The following ZNF69 variants were observed in gnomAD, a reference collection of about 807,000 sequenced individuals.
ZNF69 encodes the protein zinc finger protein 69.
ZNF69 carries 47 observed loss-of-function variants against 50.9 expected under a neutral mutation model. The ratio of observed to expected loss-of-function variants is 0.92; its 90% CI spans 0.73 to 1.18. The LOEUF is 1.18. ZNF69 is among the 50% of genes most tolerant of loss of function. The probability of loss-of-function intolerance (pLI) is 0.00; values close to 1 mark genes in which losing one functional copy is unlikely to be tolerated. For synonymous variants in ZNF69, 216 were observed against 223.1 expected (o/e 0.97, Z 0.29); for missense variants, 717 against 675.1 (o/e 1.06, Z -0.69).
chr19:11,913,383 T>A, intron 4 of ZNF69: 1 of 615,784 alleles, frequency 1.6e-6, no homozygotes, highest in East Asian at 3.0e-5. Context: ...TCAACCCTAA[T>A]TTTTCTTATC....
chr19:11,971,239 A>T, the ZNF69 span, among the ~76,000 whole-genome samples: 1 of 152,180 alleles, frequency 6.6e-6, no homozygotes, highest in Non-Finnish European at 1.5e-5. Context: ...TGGTTTGCAG[A>T]TGGTCATCTT....
Position 11,891,817 on chromosome 19 carries a change from A to G in ZNF69, c.63+3831A>G, listed in dbSNP as rs571892795. 1.2e-4 allele frequency among the ~76,000 whole-genome samples: 18 copies of G among 152,194 alleles called. No homozygotes were observed. The East Asian group carries it at 3.5e-3, about 29-fold the overall frequency. ...TTTATGATCATGGGTTGTGACTGGCAAGGAGTGTTTCTTGTTAGTCTCAAG... is the reference window on the plus strand; with the variant it reads ...TTTATGATCATGGGTTGTGACTGGCGAGGAGTGTTTCTTGTTAGTCTCAAG... On this transcript the variant is annotated intron_variant, in intron 1 of 3. Transcript: ENST00000429654.
At chr19:11,937,854 T>A in the ZNF69 span, among the ~76,000 whole-genome samples, 1 of 152,084 alleles carries the variant, frequency 6.6e-6, no homozygotes, top group Non-Finnish European at 1.5e-5. Flanking sequence ...TATAGTTCAT[T>A]GAGTGTTTTT....
chr19:11,894,428 C>T (rs1406057303), intron 1 of ZNF69, among the ~76,000 whole-genome samples: 1 of 152,200 alleles, frequency 6.6e-6, no homozygotes, highest in African/African-American at 2.4e-5. Flanking sequence ...GCATGAGATA[C>T]CCCACCTGGC....
At chr19:11,913,403 T>C in intron 4 of ZNF69, 1 of 605,456 alleles carries the variant, frequency 1.7e-6, no homozygotes, top group Non-Finnish European at 3.0e-6. Flanking sequence ...CTTTTTTTTT[T>C]TCCAGAAAAA....
At chr19:11,914,482 A>G (rs1481877161), downstream of ZNF69, among the ~76,000 whole-genome samples, 1 of 152,202 alleles carries the variant, frequency 6.6e-6, no homozygotes, top group Admixed American at 6.5e-5. Context: ...TTTATGCCTT[A>G]TAAAGCTATA....
At chr19:11,974,147 T>G in the ZNF69 span, among the ~76,000 whole-genome samples, 1 of 122,818 alleles carries the variant, frequency 8.1e-6, no homozygotes, top group East Asian at 2.1e-4. Context: ...TCTTTCTTTC[T>G]TTCTTTCTTT....
chr19:11,900,537 G>C (rs1010921757), intron 1 of ZNF69, among the ~76,000 whole-genome samples: 1 of 151,918 alleles, frequency 6.6e-6, no homozygotes, highest in Non-Finnish European at 1.5e-5. Context: ...ATTTTTACTA[G>C]AGACGGGGTT....
At chr19:11,895,539 G>C (rs1450743472) in intron 1 of ZNF69, among the ~76,000 whole-genome samples, 4 of 152,168 alleles carry the variant, frequency 2.6e-5, no homozygotes, top group Non-Finnish European at 5.9e-5. Context: ...AAGGGTCAGT[G>C]GTACAAGTCA....
chr19:11,977,957 A>G, the ZNF69 span, among the ~76,000 whole-genome samples: 1 of 152,208 alleles, frequency 6.6e-6, no homozygotes, highest in Non-Finnish European at 1.5e-5. Context: ...AGGTATGACT[A>G]TGTCACCTTG....
intron 4 of ZNF69, among the ~76,000 whole-genome samples, chr19:11,911,810 A>T (rs967982108): frequency 2.0e-5 from 3 of 152,188 alleles, no homozygotes; most frequent in South Asian, 2.1e-4. Context: ...CCTAGAACTT[A>T]AAGTATAATA....
At chr19:11,932,723 C>T in the ZNF69 span, among the ~76,000 whole-genome samples, 2 of 145,530 alleles carry the variant, frequency 1.4e-5, no homozygotes, top group South Asian at 2.1e-4. Context: ...CTGCAAGCTC[C>T]GCCTCCCGGG....
chr19:11,930,830 A>G, the ZNF69 span, among the ~76,000 whole-genome samples: 5 of 147,950 alleles, frequency 3.4e-5, no homozygotes, highest in Non-Finnish European at 1.5e-5. Flanking sequence ...GTGAAACTCC[A>G]TCTCTATTAA....
At chr19:11,902,614 T>G (rs549392543) in intron 1 of ZNF69, among the ~76,000 whole-genome samples, 96 of 150,752 alleles carry the variant, frequency 6.4e-4, no homozygotes, top group African/African-American at 1.5e-3. Flanking sequence ...CTACCTAGGT[T>G]ATTCCCCTCC....
At chr19:11,889,383 C>CAT (rs1977026881) in intron 1 of ZNF69, among the ~76,000 whole-genome samples, 1 of 152,222 alleles carries the variant, frequency 6.6e-6, no homozygotes, top group South Asian at 2.1e-4. Flanking sequence ...CCCATCCTGT[C>CAT]ATACAGAGGC....
At chr19:11,913,300 G>A (rs1276954062) in intron 4 of ZNF69, 1 of 527,226 alleles carries the variant, frequency 1.9e-6, no homozygotes, top group Non-Finnish European at 3.4e-6. Flanking sequence ...GTATAACCAT[G>A]TGGATAAAAT....
rs1321648847 is a variant in ZNF69, at chr19:11,904,700, A to G, written c.303A>G (p.Gly101=). The change falls in exon 4 of 4, where the codon GGA becomes GGG. Residue 101 remains glycine, a synonymous_variant. Transcript: ENST00000429654. Reference sequence around the variant, plus strand: ...AAATTAAAGATGACAGTCATTGTGGAGAAACTTTTACCCAGGTTCCAGATG... The same window carrying G: ...AAATTAAAGATGACAGTCATTGTGGGGAAACTTTTACCCAGGTTCCAGATG... ...VNEIKDDSHC[G]ETFTQVPDDR... is the part of the protein sequence containing the mutation. 2 of 1,613,790 alleles carry G rather than the reference A, an allele frequency of 1.2e-6. No homozygotes were observed. Among genetic ancestry groups the G allele is most frequent in the African/African-American group, 2.7e-5 (2 of 74,920 alleles).
downstream of ZNF69, among the ~76,000 whole-genome samples, chr19:11,917,574 T>G (rs1472987129): frequency 6.6e-6 from 1 of 152,110 alleles, no homozygotes; most frequent in African/African-American, 2.4e-5. Context: ...TCCCTTTTGT[T>G]TTTTTACAGA....
At chr19:11,921,599 G>C in the ZNF69 span, among the ~76,000 whole-genome samples, 1 of 151,646 alleles carries the variant, frequency 6.6e-6, no homozygotes, top group African/African-American at 2.4e-5. Context: ...CAACTCCCGG[G>C]TTCAAGCGAT....
Sources: gnomAD v4.1 joint callset for allele counts (sites outside exome capture counted in the v4.1 genomes callset) on GRCh38, gnomAD v4.1.1 for gene constraint, MANE v1.5 for transcripts, NCBI Gene and HGNC (gene_info 2026-07-23, HGNC 2026-07-21) for gene names.